PRIM2: variants seen among roughly 807,000 people sequenced by gnomAD.
PRIM2 encodes the protein DNA primase subunit 2.
In PRIM2, 39 loss-of-function variants were observed where a neutral mutation model predicts 67.3. That is an observed-to-expected ratio of 0.58 (90% confidence interval 0.45 to 0.76). The LOEUF (loss-of-function observed/expected upper bound fraction) is 0.76, where lower values mean the gene tolerates loss of function less well. Ranked by LOEUF, PRIM2 falls within the 30% of genes least tolerant of loss-of-function variation. PRIM2 has a pLI of 0.00. For synonymous variants in PRIM2, 143 were observed against 198.7 expected, an observed-to-expected ratio of 0.72 and a Z score of 2.36; for missense variants, 398 against 598.7, an observed-to-expected ratio of 0.66 and a Z score of 3.50.
chr6:57,253,795 C>T, the PRIM2 span, among the ~76,000 whole-genome samples: 1 of 152,216 alleles, frequency 6.6e-6, no homozygotes, highest in African/African-American at 2.4e-5. Context: ...AGGGCTGCCT[C>T]TGAAACCCTT....
the PRIM2 span, among the ~76,000 whole-genome samples, chr6:57,240,136 G>C: frequency 9.4e-6 from 1 of 106,736 alleles, no homozygotes; most frequent in Admixed American, 1.4e-4. Context: ...TTTTGCTCTT[G>C]TTGCCCAGGC....
chr6:57,302,739 G>A, the PRIM2 span, among the ~76,000 whole-genome samples: 1 of 152,146 alleles, frequency 6.6e-6, no homozygotes, highest in East Asian at 1.9e-4. Flanking sequence ...CCCTAAGCCA[G>A]TGCATTCTGG....
rs1463261170 is a variant in PRIM2 at position 57,318,592 on chromosome 6, A to C, written c.147A>C (p.Arg49Ser). The change falls in exon 2 of 14, where the codon AGA becomes AGC. Residue 49 changes from arginine (R) to serine (S), a missense_variant. By Grantham distance (110) the Arg-to-Ser change is moderately radical. This residue lies in a region of PRIM2 where 96 missense variants were observed against 98.3 expected (regional missense o/e 0.98). Coordinates refer to ENST00000615550, the MANE Select transcript of PRIM2 (RefSeq NM_000947.5). ...LIEFENLAIDRVKLLKSVENL... is the reference protein window; with the variant it reads ...LIEFENLAIDSVKLLKSVENL... ...AATTTGAAAACTTGGCTATTGATAG[A>C]GTTAAATGTAAGTACTATTTAAATT... 3.2e-6 allele frequency: 5 copies of C among 1,556,950 alleles called. No homozygotes were observed. Among genetic ancestry groups the C allele is most frequent in the Non-Finnish European group, 4.4e-6 (5 of 1,147,768 alleles).
rs1252921019 is a variant in PRIM2, at chr6:57,393,617, T to G, written c.693+11449T>G. ...TTTCTCCCACTCTGTGGGTTGTCTG[T>G]TTACTCTACTGGCTGTTCCTTTTGC... On this transcript the variant is annotated intron_variant, in intron 7 of 13. Transcript: ENST00000615550. Among the ~76,000 whole-genome samples the G allele has an allele frequency of 2.0e-5, 3 of 152,318 alleles. No individual in the cohort carries two copies. The East Asian group carries it at 5.8e-4, about 29-fold the overall frequency.
At chr6:57,631,072 A>G (rs1777030940) in intron 12 of PRIM2, among the ~76,000 whole-genome samples, 1 of 152,142 alleles carries the variant, frequency 6.6e-6, no homozygotes, top group South Asian at 2.1e-4. Flanking sequence ...AGAGAAAAAC[A>G]ATTTTTGAAG....
intron 10 of PRIM2, among the ~76,000 whole-genome samples, chr6:57,575,372 A>G (rs1214893324): frequency 5.9e-5 from 9 of 152,192 alleles, no homozygotes; most frequent in Non-Finnish European, 1.3e-4. Flanking sequence ...GCTGAACACA[A>G]CTATGATGTA....
chr6:57,422,638 A>G (rs1266070396), intron 7 of PRIM2, among the ~76,000 whole-genome samples: 1 of 152,164 alleles, frequency 6.6e-6, no homozygotes, highest in African/African-American at 2.4e-5. Flanking sequence ...ATTTAGACTA[A>G]TTTTATTAAA....
chr6:57,505,665 C>A (rs1280950538), intron 7 of PRIM2, among the ~76,000 whole-genome samples: 1 of 152,030 alleles, frequency 6.6e-6, no homozygotes, highest in Non-Finnish European at 1.5e-5. Flanking sequence ...GCAAGAATGG[C>A]AGCAGAAACA....
intron 8 of PRIM2, among the ~76,000 whole-genome samples, chr6:57,511,918 C>T (rs1207892494): frequency 6.6e-6 from 1 of 152,104 alleles, no homozygotes; most frequent in Non-Finnish European, 1.5e-5. Context: ...ATTTGCTAAT[C>T]ATCACTGTGC....
At chr6:57,289,474 G>C in the PRIM2 span, among the ~76,000 whole-genome samples, 3 of 152,034 alleles carry the variant, frequency 2.0e-5, no homozygotes, top group African/African-American at 7.3e-5. Flanking sequence ...GATACTCCTC[G>C]AGAAGAGCAA....
At chr6:57,387,155 G>A (rs574720091) in intron 7 of PRIM2, among the ~76,000 whole-genome samples, 2 of 151,980 alleles carry the variant, frequency 1.3e-5, no homozygotes, top group South Asian at 2.1e-4. Flanking sequence ...ACCAAATTAC[G>A]GTGAAATTAT....
chr6:57,483,510 C>G (rs1244115810), intron 7 of PRIM2, among the ~76,000 whole-genome samples: 2 of 152,054 alleles, frequency 1.3e-5, no homozygotes, highest in Admixed American at 6.6e-5. Flanking sequence ...TTATAAAAAA[C>G]CCCACCGAAA....
At chr6:57,454,101 G>A (rs190075978) in intron 7 of PRIM2, among the ~76,000 whole-genome samples, 96 of 152,204 alleles carry the variant, frequency 6.3e-4, no homozygotes, top group Middle Eastern at 3.4e-3. Flanking sequence ...ATTGATTTTC[G>A]TGTGTTGAAC....
chr6:57,614,782 G>A (rs1415747571), intron 12 of PRIM2, among the ~76,000 whole-genome samples: 2 of 152,234 alleles, frequency 1.3e-5, no homozygotes, highest in Non-Finnish European at 1.5e-5. Context: ...CCTGGGAGGT[G>A]GAGCTTGCAG....
chr6:57,320,526 A>T lies in PRIM2; in HGVS notation c.224A>T (p.Glu75Val). 1.2e-6 allele frequency: 2 copies of T among 1,609,770 alleles called. No homozygotes were observed. Among genetic ancestry groups the T allele is most frequent in the Non-Finnish European group, 1.7e-6 (2 of 1,178,896 alleles). Reference sequence around the variant, plus strand: ...ACTGAACAATACCAGAGTAAGTTGGAGAGTGAGCTTCGGAAGCTCAAGTTT... The same window carrying T: ...ACTGAACAATACCAGAGTAAGTTGGTGAGTGAGCTTCGGAAGCTCAAGTTT... ...KGTEQYQSKLESELRKLKFSY... is the reference protein window; with the variant it reads ...KGTEQYQSKLVSELRKLKFSY... Residue 75 changes from glutamate (E) to valine (V), a missense_variant, in exon 3 of 14, where the codon GAG becomes GTG. This residue lies in a region of PRIM2 where 96 missense variants were observed against 98.3 expected (regional missense o/e 0.98). Coordinates refer to ENST00000615550, the MANE Select transcript of PRIM2 (RefSeq NM_000947.5).
At chr6:57,376,950 C>T (rs1769786102) in intron 5 of PRIM2, among the ~76,000 whole-genome samples, 1 of 152,094 alleles carries the variant, frequency 6.6e-6, no homozygotes, top group East Asian at 1.9e-4. Flanking sequence ...CAATCTGGCT[C>T]ACCGCAACCT....
rs373153762 is a variant in PRIM2, at chr6:57,337,662, C to T, written c.459+11617C>T. On this transcript the variant is annotated intron_variant, in intron 5 of 13. Transcript: ENST00000615550. ...AAATAAAGATGTTCTTTGAAACCAA[C>T]GAGAACAAAGACACAACATACCAGA... Among the ~76,000 whole-genome samples, 7 of 151,994 alleles carry T rather than the reference C, an allele frequency of 4.6e-5. 1 individual carries two copies. The highest frequency in any genetic ancestry group is 2.1e-4 in the South Asian group (1 of 4,810).
At chr6:57,535,944 G>A (rs1321151027) in intron 9 of PRIM2, among the ~76,000 whole-genome samples, 1 of 152,148 alleles carries the variant, frequency 6.6e-6, no homozygotes, top group Non-Finnish European at 1.5e-5. Context: ...TACTAAGGAT[G>A]TTGAATATTG....
the PRIM2 span, among the ~76,000 whole-genome samples, chr6:57,285,279 C>G: frequency 3.3e-5 from 5 of 152,170 alleles, no homozygotes; most frequent in African/African-American, 4.8e-5. Flanking sequence ...TTTTATGAGG[C>G]CAGCATCATC....
Sources: gnomAD v4.1 joint callset for allele counts (sites outside exome capture counted in the v4.1 genomes callset) on GRCh38, gnomAD v4.1.1 for gene constraint, gnomAD v4.1.1 regional missense constraint, MANE v1.5 for transcripts, NCBI Gene and HGNC (gene_info 2026-07-23, HGNC 2026-07-21) for gene names.